Variants in PCDHGA4 observed in about 807,000 individuals in gnomAD.
PCDHGA4 encodes the protein protocadherin gamma-A4.
Under a neutral mutation model 54.6 loss-of-function variants are expected in PCDHGA4, and 38 were observed. The observed-to-expected ratio is 0.70, with a 90% CI of 0.54 to 0.91. The LOEUF (loss-of-function observed/expected upper bound fraction) is 0.91. PCDHGA4 is among the 40% of genes least tolerant of loss of function. The pLI is 0.00. For missense variants in PCDHGA4, 1,298 were observed against 1,220.9 expected (o/e 1.06, Z -0.94); for synonymous variants, 511 against 512.9 (o/e 1.00, Z 0.05).
intron 1 of PCDHGA4, chr5:141,360,485 T>C (rs751812912): frequency 1.2e-6 from 2 of 1,613,990 alleles, no homozygotes; most frequent in East Asian, 4.5e-5. Flanking sequence ...CTAAATATTT[T>C]CTACATAGCA....
rs767330174 is a variant in PCDHGA4, at chr5:141,491,818, C to T, written c.2515-2989C>T. The T allele has an allele frequency of 1.6e-5, 24 of 1,481,560 alleles. No homozygotes were observed. The highest frequency in any genetic ancestry group is 1.9e-5 in the Non-Finnish European group (21 of 1,116,446). 91.8% of individuals were successfully genotyped at this position (1,481,560 alleles called of 1,614,324 possible). A position where few individuals can be genotyped will look rare whatever the true frequency, so the allele number is the denominator to read the frequency against. On this transcript the variant is annotated intron_variant, in intron 1 of 3. Transcript: ENST00000571252. This position sits in a 1 kb window ranked among gnomAD's most constrained non-coding sequence, Gnocchi z 6.9. ...CTCCGGCCGGCTTGGTCGCTGGCTGCGCTCCACCCGATTCTCGGGATCATT... is the reference window on the plus strand; with the variant it reads ...CTCCGGCCGGCTTGGTCGCTGGCTGTGCTCCACCCGATTCTCGGGATCATT...
intron 1 of PCDHGA4, among the ~76,000 whole-genome samples, chr5:141,446,719 G>C (rs899985752): frequency 2.6e-5 from 4 of 152,056 alleles, no homozygotes; most frequent in Admixed American, 1.3e-4. Flanking sequence ...TGCCCGCCTC[G>C]GCCTCCCAAA....
chr5:141,407,371 T>C (rs2094921499), intron 1 of PCDHGA4, among the ~76,000 whole-genome samples: 1 of 152,222 alleles, frequency 6.6e-6, no homozygotes, highest in South Asian at 2.1e-4. Context: ...CAGATATCCA[T>C]GAAGGCTTGT....
In PCDHGA4 at chr5:141,388,846, A is replaced by G. The variant is rs758753526; in HGVS notation, c.2514+31225A>G. ...TATTCCATAGTTTTGGAAGCAAGGG[A>G]CGGTGGAGGAATGATTGCGCAATGC... On this transcript the variant is annotated intron_variant, in intron 1 of 3. Coordinates refer to ENST00000571252, the MANE Select transcript of PCDHGA4 (RefSeq NM_018917.4). The G allele has an allele frequency of 5.6e-6, 9 of 1,613,870 alleles. No homozygotes were observed. In the East Asian group the frequency reaches 2.0e-4, roughly 36 times the overall value.
intron 1 of PCDHGA4, chr5:141,392,764 C>G: frequency 6.8e-7 from 1 of 1,480,722 alleles, no homozygotes; most frequent in Non-Finnish European, 9.0e-7. Flanking sequence ...CTAAATAAGA[C>G]CCATTTATGC....
At chr5:141,358,923 G>A (rs1175960333) in intron 1 of PCDHGA4, among the ~76,000 whole-genome samples, 1 of 152,194 alleles carries the variant, frequency 6.6e-6, no homozygotes, top group Non-Finnish European at 1.5e-5. Flanking sequence ...GTGTGTAGGG[G>A]ATATACAACA....
At chr5:141,410,170 C>A in intron 1 of PCDHGA4, 1 of 1,613,828 alleles carries the variant, frequency 6.2e-7, no homozygotes, top group African/African-American at 1.3e-5. Context: ...CACTCTCTGC[C>A]ACCGCCACGC....
At chr5:141,398,486 A>G (rs892086829) in intron 1 of PCDHGA4, 17 of 1,608,942 alleles carry the variant, frequency 1.1e-5, no homozygotes, top group Non-Finnish European at 1.4e-5. Flanking sequence ...TATCACGTGA[A>G]TGTGGAGATC....
intron 1 of PCDHGA4, chr5:141,393,162 T>C (rs771570808): frequency 3.1e-6 from 5 of 1,613,142 alleles, no homozygotes; most frequent in Admixed American, 1.7e-5. Context: ...AGGAAAACTC[T>C]TTGGGGTAGA....
rs767521224 is a variant in PCDHGA4 at position 141,431,148 on chromosome 5, C to T, written c.2515-63659C>T. 3.7e-6 allele frequency: 6 copies of T among 1,614,146 alleles called. No homozygotes were observed. Among genetic ancestry groups the T allele is most frequent in the Admixed American group, 1.7e-5 (1 of 60,030 alleles). On this transcript the variant is annotated intron_variant, in intron 1 of 3. Coordinates refer to ENST00000571252, the MANE Select transcript of PCDHGA4 (RefSeq NM_018917.4). The surrounding 1 kb of genome is among the most constrained non-coding windows in gnomAD (Gnocchi z 4.8). Reference sequence around the variant, plus strand: ...GAAGTAAGGGACATTAACGACAATGCGCCTTACTTTCGTGAAAGTGAATTA... The same window carrying T: ...GAAGTAAGGGACATTAACGACAATGTGCCTTACTTTCGTGAAAGTGAATTA...
At chr5:141,394,463 G>C (rs1244366845) in intron 1 of PCDHGA4, 1 of 1,614,130 alleles carries the variant, frequency 6.2e-7, no homozygotes, top group Non-Finnish European at 8.5e-7. Flanking sequence ...CACTGAGCCT[G>C]TTCGTGCTGG....
intron 1 of PCDHGA4, chr5:141,398,796 C>G (rs765198482): frequency 8.1e-6 from 13 of 1,613,920 alleles, no homozygotes; most frequent in Middle Eastern, 1.6e-4. Context: ...CACCCCTAAG[C>G]GGCACCACTG....
intron 1 of PCDHGA4, chr5:141,415,367 CT>C (rs2095859649): frequency 6.2e-7 from 1 of 1,614,118 alleles, no homozygotes; most frequent in African/African-American, 1.3e-5. Flanking sequence ...CTGCTGCAGG[CT>C]TCAGGAGGCG....
intron 1 of PCDHGA4, chr5:141,478,576 G>T (rs543160289): frequency 5.0e-6 from 8 of 1,585,598 alleles, no homozygotes; most frequent in Non-Finnish European, 6.9e-6. Flanking sequence ...GCTTGACCCT[G>T]TTAGTGCTTT....
intron 1 of PCDHGA4, chr5:141,360,648 C>T (rs1346761280): frequency 1.9e-5 from 31 of 1,613,888 alleles, no homozygotes; most frequent in African/African-American, 5.3e-5. Flanking sequence ...AAAGATACCA[C>T]CTTAATGACA....
chr5:141,492,007 C>A, intron 1 of PCDHGA4: 1 of 629,072 alleles, frequency 1.6e-6, no homozygotes, highest in Non-Finnish European at 2.6e-6. Flanking sequence ...GCGATTTCCG[C>A]GGGTGTCGGG....
At position 141,511,106 on chromosome 5, in the gene PCDHGA4, G is replaced by T. The variant is rs536900646; in HGVS notation, c.2822G>T (p.Arg941Leu). ...NATLTNAAGK[R>L]DGKAPAGGNG... is the part of the protein sequence containing the mutation. Reference sequence around the variant, plus strand: ...ACACTGACCAACGCAGCTGGCAAGCGGGATGGCAAGGCCCCAGCAGGTGGC... The same window carrying T: ...ACACTGACCAACGCAGCTGGCAAGCTGGATGGCAAGGCCCCAGCAGGTGGC... Residue 941 changes from arginine to leucine, a missense_variant, in exon 4 of 4, where the codon CGG becomes CTG. Transcript: ENST00000571252. 8.7e-6 allele frequency: 14 copies of T among 1,614,196 alleles called. No individual in the cohort carries two copies. Among genetic ancestry groups the T allele is most frequent in the Non-Finnish European group, 1.2e-5 (14 of 1,180,016 alleles).
At chr5:141,364,814 G>T in intron 1 of PCDHGA4, 1 of 1,614,042 alleles carries the variant, frequency 6.2e-7, no homozygotes, top group Non-Finnish European at 8.5e-7. Flanking sequence ...GGATGCGGAT[G>T]TGGGTGTGAA....
chr5:141,363,100 A>G (rs1762808567), intron 1 of PCDHGA4, among the ~76,000 whole-genome samples: 3 of 152,266 alleles, frequency 2.0e-5, no homozygotes, highest in Admixed American at 2.0e-4. Context: ...AAGGACAGGC[A>G]ATGTTTGAGG....
Sources: gnomAD v4.1 joint callset for allele counts (sites outside exome capture counted in the v4.1 genomes callset) on GRCh38, gnomAD v4.1.1 for gene constraint, Gnocchi (gnomAD v3.1) non-coding constraint, MANE v1.5 for transcripts, NCBI Gene and HGNC (gene_info 2026-07-23, HGNC 2026-07-21) for gene names.